The following PDILT variants were observed in gnomAD, a reference collection of about 807,000 sequenced individuals.
PDILT encodes protein disulfide isomerase like, testis expressed, also known as protein disulfide-isomerase-like protein of the testis.
Under a neutral mutation model 53.7 loss-of-function variants are expected in PDILT, and 43 were observed. The observed-to-expected ratio is 0.80, with a 90% CI of 0.63 to 1.03. PDILT has a LOEUF of 1.03. Ranked by LOEUF, PDILT falls within the 50% of genes least tolerant of loss-of-function variation. The probability of loss-of-function intolerance (pLI) is 0.00; values close to 1 mark genes in which losing one functional copy is unlikely to be tolerated. For synonymous variants in PDILT, 282 were observed against 274.2 expected (o/e 1.03, Z -0.28); for missense variants, 727 against 712.3 (o/e 1.02, Z -0.24).
At position 20,365,553 on chromosome 16, in the gene PDILT, T is replaced by C; in HGVS notation, c.1117-13A>G. On this transcript the variant is annotated splice_polypyrimidine_tract_variant and intron_variant, in intron 8 of 11. Transcript: ENST00000302451. Reference sequence around the variant, plus strand: ...TGGATTGATGTTTCTAGGAAGCACATTTGAGAGGCCTAAGAGTCTTCATAA... The same window carrying C: ...TGGATTGATGTTTCTAGGAAGCACACTTGAGAGGCCTAAGAGTCTTCATAA... 1.9e-6 allele frequency: 3 copies of C among 1,614,042 alleles called. No individual in the cohort carries two copies. The highest frequency in any genetic ancestry group is 1.1e-5 in the South Asian group (1 of 91,068).
chr16:20,399,047 G>T, intron 2 of PDILT, 52 bp downstream of exon 2: 1 of 1,597,704 alleles, frequency 6.3e-7, no homozygotes, highest in South Asian at 1.1e-5. Context: ...CACACACAAG[G>T]AGGCAGGCCT....
rs1596575186 is a variant in PDILT, at chr16:20,360,610, G to A, written c.1464C>T (p.Phe488=). The A allele has an allele frequency of 6.2e-7, 1 of 1,614,134 alleles. No homozygotes were observed. The highest frequency in any genetic ancestry group is 8.5e-7 in the Non-Finnish European group (1 of 1,179,984). Residue 488 remains phenylalanine, a synonymous_variant, in exon 11 of 12, where the codon TTC becomes TTT. Transcript: ENST00000302451. Reference sequence around the variant, plus strand: ...TCTTAGTTTTGATGTGGCTTTCCAGGAAGTCAGAGAAGCCCTTCAGGGTGT... The same window carrying A: ...TCTTAGTTTTGATGTGGCTTTCCAGAAAGTCAGAGAAGCCCTTCAGGGTGT... The part of the protein sequence containing the change: ...GEHTLKGFSD[F]LESHIKTKIE...
At chr16:20,375,532 C>T (rs1966372188) in intron 4 of PDILT, among the ~76,000 whole-genome samples, 2 of 152,094 alleles carry the variant, frequency 1.3e-5, no homozygotes, top group Admixed American at 6.5e-5. Context: ...AAACAATTAG[C>T]AAGTTATTTA....
At chr16:20,393,306 A>G (rs1230287291) in intron 2 of PDILT, among the ~76,000 whole-genome samples, 1 of 152,222 alleles carries the variant, frequency 6.6e-6, no homozygotes, top group Non-Finnish European at 1.5e-5. Flanking sequence ...AAAATGGCCT[A>G]GGCTGGATTT....
chr16:20,394,553 A>G (rs1307383358), intron 2 of PDILT, among the ~76,000 whole-genome samples: 1 of 152,244 alleles, frequency 6.6e-6, no homozygotes, highest in East Asian at 1.9e-4. Flanking sequence ...GATGTACACC[A>G]GTGCTTCTCA....
Position 20,365,474 on chromosome 16 carries a change from TC to T in PDILT, c.1182del (p.Lys395ArgfsTer5), listed in dbSNP as rs768352856. ...WDQGLVKQLVGKNFNVVVFDK... is the reference protein window; with the variant it reads ...WDQGLVKQLVXKNFNVVVFDK... ...TCAAAGACGACTACGTTGAAGTTCT[TC>T]CCCACGAGCTGCTTAACCAGTCCCT... is the stretch of plus-strand genomic sequence containing the variant. On this transcript the variant is annotated frameshift_variant, in exon 9 of 12. Transcript: ENST00000302451. LOFTEE classifies it high-confidence loss of function. The T allele has an allele frequency of 6.2e-7, 1 of 1,614,004 alleles. No individual in the cohort carries two copies. The highest frequency in any genetic ancestry group is 1.1e-5 in the South Asian group (1 of 91,082).
At chr16:20,369,803 CA>C in intron 7 of PDILT, 114 bp from the exon 8 acceptor site, 1 of 993,740 alleles carries the variant, frequency 1.0e-6, no homozygotes, top group Non-Finnish European at 1.5e-6. Context: ...AGCACCTCTG[CA>C]AAATGTAACA....
chr16:20,359,384 C>G lies in PDILT; in HGVS notation c.1690G>C (p.Val564Leu). ...KKKTSEEVVVVVAKPKGPPVQ... is the reference protein window; with the variant it reads ...KKKTSEEVVVLVAKPKGPPVQ... The stretch of plus-strand genomic sequence containing the variant: ...GGAGGTCCCTTTGGCTTAGCCACCA[C>G]CACCACCACCTCCTCAGATGTTTTC... The change falls in exon 12 of 12, where the codon GTG (valine) becomes CTG (leucine). Residue 564 changes from valine (V) to leucine (L), a missense_variant. Coordinates refer to ENST00000302451, the MANE Select transcript of PDILT (RefSeq NM_174924.2). 6.2e-7 allele frequency: 1 copy of G among 1,614,196 alleles called. No homozygotes were observed. Among genetic ancestry groups the G allele is most frequent in the African/African-American group, 1.3e-5 (1 of 75,058 alleles).
intron 2 of PDILT, among the ~76,000 whole-genome samples, chr16:20,385,354 G>A (rs970760904): frequency 1.3e-5 from 2 of 152,212 alleles, no homozygotes; most frequent in Admixed American, 6.5e-5. Flanking sequence ...CCCTGTGACA[G>A]TGAGAGGTAA....
chr16:20,396,840 G>A (rs1040252509), intron 2 of PDILT, among the ~76,000 whole-genome samples: 2 of 152,196 alleles, frequency 1.3e-5, no homozygotes, highest in Non-Finnish European at 2.9e-5. Context: ...CCATTGCCTG[G>A]CATTGAGCTG....
chr16:20,389,813 A>G (rs568335949), intron 2 of PDILT, among the ~76,000 whole-genome samples: 1 of 152,146 alleles, frequency 6.6e-6, no homozygotes, highest in African/African-American at 2.4e-5. Context: ...GAGTATAGGG[A>G]CTGGAGTTTG....
At chr16:20,391,746 A>T (rs1167629744) in intron 2 of PDILT, among the ~76,000 whole-genome samples, 1 of 152,058 alleles carries the variant, frequency 6.6e-6, no homozygotes, top group Non-Finnish European at 1.5e-5. Context: ...TTTTGATACC[A>T]TATAGCGAAT....
At chr16:20,364,624 G>A (rs2141701490) in intron 9 of PDILT, among the ~76,000 whole-genome samples, 1 of 152,276 alleles carries the variant, frequency 6.6e-6, no homozygotes, top group Non-Finnish European at 1.5e-5. Context: ...AATGTCTGAA[G>A]GAACTTCAGT....
chr16:20,396,492 G>C (rs1398871918), intron 2 of PDILT, among the ~76,000 whole-genome samples: 1 of 152,150 alleles, frequency 6.6e-6, no homozygotes, highest in Non-Finnish European at 1.5e-5. Context: ...GGCATTACGT[G>C]GAAGCCCAAC....
Position 20,373,128 on chromosome 16 carries a change from A to G in PDILT, c.682-6T>C. The G allele has an allele frequency of 6.2e-7, 1 of 1,608,662 alleles. No homozygotes were observed. Among genetic ancestry groups the G allele is most frequent in the Non-Finnish European group, 8.5e-7 (1 of 1,175,028 alleles). On this transcript the variant is annotated splice_region_variant and splice_polypyrimidine_tract_variant and intron_variant, in intron 5 of 11. Transcript: ENST00000302451. ...TGGCGGTTCACAATTTTTCCCTTGT[A>G]CAAAAGGAGAAACATATTGGAGGAC...
At position 20,401,959 on chromosome 16, in the gene PDILT, C is replaced by T. The variant is rs79196072; in HGVS notation, c.-8+2537G>A. 4.8e-3 allele frequency among the ~76,000 whole-genome samples: 732 copies of T among 152,344 alleles called. 8 individuals carry two copies. The highest frequency in any genetic ancestry group is 0.017 in the African/African-American group (693 of 41,588). Reference sequence around the variant, plus strand: ...TTCCAGTGATTCATGTCCAACAGGACGGAGATCAAGCCCCACTGGCTAGTG... The same window carrying T: ...TTCCAGTGATTCATGTCCAACAGGATGGAGATCAAGCCCCACTGGCTAGTG... On this transcript the variant is annotated intron_variant, in intron 1 of 11. Coordinates refer to ENST00000302451, the MANE Select transcript of PDILT (RefSeq NM_174924.2).
intron 7 of PDILT, among the ~76,000 whole-genome samples, chr16:20,369,941 T>C (rs779689628): frequency 5.3e-5 from 8 of 152,202 alleles, no homozygotes; most frequent in Non-Finnish European, 1.2e-4. Context: ...TTTCATTCTG[T>C]TTCAAACTGT....
At chr16:20,402,814 C>G (rs1966760783) in intron 1 of PDILT, among the ~76,000 whole-genome samples, 1 of 152,192 alleles carries the variant, frequency 6.6e-6, no homozygotes, top group South Asian at 2.1e-4. Flanking sequence ...TAGCATCCAC[C>G]CTGTCCAGCC....
At chr16:20,381,093 G>C (rs62034975) in intron 3 of PDILT, among the ~76,000 whole-genome samples, 44,533 of 152,154 alleles carry the variant, frequency 0.29, 6,586 homozygotes, top group Admixed American at 0.31. Flanking sequence ...CATTAATAGA[G>C]GCCTAGAGGC....
Sources: allele counts gnomAD v4.1 joint callset (sites outside exome capture counted in the v4.1 genomes callset), GRCh38; gene constraint gnomAD v4.1.1; transcripts MANE v1.5; gene names NCBI Gene and HGNC (gene_info 2026-07-23, HGNC 2026-07-21).